CHD5: variants seen among roughly 807,000 people sequenced by gnomAD.
The protein encoded by CHD5 is chromodomain helicase DNA binding protein 5.
In CHD5, 69 loss-of-function variants were observed where a neutral mutation model predicts 230.3. The ratio of observed to expected loss-of-function variants is 0.30; its 90% CI spans 0.25 to 0.37. The LOEUF is 0.37. CHD5 is among the 10% of genes least tolerant of loss of function. CHD5 has a pLI of 1.00. For synonymous variants in CHD5, 1,064 were observed against 1,065.9 expected, an observed-to-expected ratio of 1.00 and a Z score of 0.03; for missense variants, 1,827 against 2,622.8, an observed-to-expected ratio of 0.70 and a Z score of 6.63.
At chr1:6,156,665 A>G (rs1055921901) in intron 3 of CHD5, among the ~76,000 whole-genome samples, 1 of 152,190 alleles carries the variant, frequency 6.6e-6, no homozygotes, top group African/African-American at 2.4e-5. Flanking sequence ...GGGCAGGGGC[A>G]TGGGACAATG....
chr1:6,173,619 G>A (rs932141343), intron 1 of CHD5, among the ~76,000 whole-genome samples: 3 of 152,170 alleles, frequency 2.0e-5, no homozygotes, highest in African/African-American at 7.2e-5. Context: ...GGGCTATGGG[G>A]AGAAGTAAAA....
intron 38 of CHD5, among the ~76,000 whole-genome samples, chr1:6,109,278 C>CT (rs1278758642): frequency 6.6e-6 from 1 of 152,132 alleles, no homozygotes; most frequent in Non-Finnish European, 1.5e-5. Flanking sequence ...AGGGGTCCAG[C>CT]AACTCTCACC....
At position 6,104,983 on chromosome 1, in the gene CHD5, G is replaced by T; in HGVS notation, c.*491C>A. 5.0e-6 allele frequency: 1 copy of T among 200,842 alleles called. No homozygotes were observed. Among genetic ancestry groups the T allele is most frequent in the South Asian group, 7.7e-5 (1 of 13,044 alleles). The allele number at this position is 200,842 out of a possible 1,614,324, so 12.4% of individuals were successfully genotyped here. On this transcript the variant is annotated 3_prime_UTR_variant, in exon 42 of 42. Transcript: ENST00000262450. Reference sequence around the variant, plus strand: ...GGACACTGAGGGCTCCTAGGGCACCGGGCGCCATGTCCTCCCCAGCTGGGC... The same window carrying T: ...GGACACTGAGGGCTCCTAGGGCACCTGGCGCCATGTCCTCCCCAGCTGGGC...
At position 6,126,496 on chromosome 1, in the gene CHD5, G is replaced by A; in HGVS notation, c.4078+76C>T. 12 of 1,091,450 alleles carry A rather than the reference G, an allele frequency of 1.1e-5. No homozygotes were observed. In the South Asian group the frequency reaches 1.5e-4, roughly 14 times the overall value. The allele number at this position is 1,091,450 out of a possible 1,614,324, so 67.6% of individuals were successfully genotyped here. On this transcript the variant is annotated intron_variant, in intron 26 of 41. Coordinates refer to ENST00000262450, the MANE Select transcript of CHD5 (RefSeq NM_015557.3). The surrounding 1 kb of genome is among the most constrained non-coding windows in gnomAD (Gnocchi z 5.7). ...CCGCACCTCCCGGGGGTTCTGCACAGGGATGCCCTGACAGAATCCTGCCCC... is the reference window on the plus strand; with the variant it reads ...CCGCACCTCCCGGGGGTTCTGCACAAGGATGCCCTGACAGAATCCTGCCCC...
chr1:6,122,997 GC>G (rs1666495230), intron 31 of CHD5, among the ~76,000 whole-genome samples: 1 of 151,920 alleles, frequency 6.6e-6, no homozygotes, highest in South Asian at 2.1e-4. Context: ...AACCTGGGAG[GC>G]GGAGGTTGCA....
chr1:6,151,232 G>A, intron 6 of CHD5, 77 bp from the exon 7 acceptor site: 1 of 1,476,432 alleles, frequency 6.8e-7, no homozygotes, highest in Non-Finnish European at 9.1e-7. Flanking sequence ...TGTGGGGTGG[G>A]ACAAAGCACG....
At position 6,142,635 on chromosome 1, in the gene CHD5, CCCA is replaced by C. The variant is rs1239283027; in HGVS notation, c.2044-33_2044-31del. 2 of 1,585,806 alleles carry C rather than the reference CCCA, an allele frequency of 1.3e-6. No homozygotes were observed. Among genetic ancestry groups the C allele is most frequent in the South Asian group, 2.3e-5 (2 of 87,164 alleles). On this transcript the variant is annotated intron_variant, in intron 13 of 41. Transcript: ENST00000262450. This position sits in a 1 kb window ranked among gnomAD's most constrained non-coding sequence, Gnocchi z 5.2. Reference sequence around the variant, plus strand: ...AGGGGAGGCAGCGGTTCAGACACGCCCCAGATCCTGGGCCACCAGAGTCCACAC... The same window carrying C: ...AGGGGAGGCAGCGGTTCAGACACGCCGATCCTGGGCCACCAGAGTCCACAC...
At position 6,155,588 on chromosome 1, in the gene CHD5, G is replaced by T; in HGVS notation, c.506+11C>A. 1 of 1,605,460 alleles carries T rather than the reference G, an allele frequency of 6.2e-7. No homozygotes were observed. The highest frequency in any genetic ancestry group is 8.5e-7 in the Non-Finnish European group (1 of 1,172,244). On this transcript the variant is annotated intron_variant, in intron 4 of 41. Transcript: ENST00000262450. The surrounding 1 kb of genome is among the most constrained non-coding windows in gnomAD (Gnocchi z 4.0). ...TGCGGGCCTGGAGAACAGCCCTAGT[G>T]CCCCGCCCACCTGAGGAACTGGCTG... is the stretch of plus-strand genomic sequence containing the variant.
Position 6,180,069 on chromosome 1 carries a change from G to C in CHD5, c.-46C>G. The C allele has an allele frequency of 8.9e-7, 1 of 1,120,424 alleles. No individual in the cohort carries two copies. The highest frequency in any genetic ancestry group is 2.5e-4 in the Middle Eastern group (1 of 4,064). The allele number at this position is 1,120,424 out of a possible 1,614,324, so 69.4% of individuals were successfully genotyped here. A position where few individuals can be genotyped will look rare whatever the true frequency, so the allele number is the denominator to read the frequency against. Reference sequence around the variant, plus strand: ...GAGGTGGGCGCCCCCCCTCCCGCCGGGCGCGGTGCCAGCCTTAACCCGTGC... The same window carrying C: ...GAGGTGGGCGCCCCCCCTCCCGCCGCGCGCGGTGCCAGCCTTAACCCGTGC... On this transcript the variant is annotated 5_prime_UTR_variant, in exon 1 of 42. Transcript: ENST00000262450.
In CHD5 at chr1:6,142,085, C is replaced by T. The variant is rs562621980; in HGVS notation, c.2436+43G>A. Reference sequence around the variant, plus strand: ...GGCACCCGTGGTCCCTGAACTAGACCGGGGGCCTTCCTACCGTCCTTCCAA... The same window carrying T: ...GGCACCCGTGGTCCCTGAACTAGACTGGGGGCCTTCCTACCGTCCTTCCAA... On this transcript the variant is annotated intron_variant, in intron 15 of 41. Transcript: ENST00000262450. The surrounding 1 kb of genome is among the most constrained non-coding windows in gnomAD (Gnocchi z 5.2). 12 of 1,566,190 alleles carry T rather than the reference C, an allele frequency of 7.7e-6. No individual in the cohort carries two copies. The highest frequency in any genetic ancestry group is 3.3e-5 in the Admixed American group (2 of 59,766).
Position 6,180,017 on chromosome 1 carries a change from C to T in CHD5, c.7G>A (p.Gly3Ser). Residue 3 changes from glycine to serine, a missense_variant, in exon 1 of 42, where the codon GGC (glycine) becomes AGC (serine). Coordinates refer to ENST00000262450, the MANE Select transcript of CHD5 (RefSeq NM_015557.3). MR[G>S]PVGTEEELPR... ...AGCTCCTCCTCGGTGCCCACTGGGC[C>T]CCGCATGCCCGGCGCGGGGAGGAGG... is the stretch of plus-strand genomic sequence containing the variant. 7.4e-7 allele frequency: 1 copy of T among 1,352,594 alleles called. No homozygotes were observed. Among genetic ancestry groups the T allele is most frequent in the Admixed American group, 2.6e-5 (1 of 37,794 alleles). 83.8% of individuals were successfully genotyped at this position (1,352,594 alleles called of 1,614,324 possible). A position where few individuals can be genotyped will look rare whatever the true frequency, so the allele number is the denominator to read the frequency against.
At chr1:6,107,949 G>A (rs1666220787) in intron 38 of CHD5, among the ~76,000 whole-genome samples, 2 of 137,520 alleles carry the variant, frequency 1.5e-5, no homozygotes, top group African/African-American at 2.7e-5. Flanking sequence ...GTGGAGGGAC[G>A]GGATGATGGA....
intron 1 of CHD5, among the ~76,000 whole-genome samples, chr1:6,171,016 G>A (rs1428711134): frequency 6.6e-6 from 1 of 152,246 alleles, no homozygotes; most frequent in East Asian, 1.9e-4. Context: ...ACGGGCTCTG[G>A]CTGATGCAAT....
In CHD5 at chr1:6,142,245, G is replaced by C. The variant is rs187443707; in HGVS notation, c.2319C>G (p.Pro773=). 2 of 1,614,104 alleles carry C rather than the reference G, an allele frequency of 1.2e-6. No homozygotes were observed. The highest frequency in any genetic ancestry group is 2.2e-5 in the South Asian group (2 of 91,084). ...NWEREFEMWA[P]DFYVVTYTGD... is the part of the protein sequence containing the mutation. The stretch of plus-strand genomic sequence containing the variant: ...CCGTGTAGGTGACCACGTAGAAGTC[G>C]GGCGCCCACATCTCAAACTCGCGTT... Residue 773 remains proline, a synonymous_variant, in exon 15 of 42, where the codon CCC becomes CCG. Transcript: ENST00000262450. This position sits in a 1 kb window ranked among gnomAD's most constrained non-coding sequence, Gnocchi z 5.2.
chr1:6,155,873 T>C lies in CHD5; in HGVS notation c.388-156A>G, dbSNP rs1014011082. On this transcript the variant is annotated intron_variant, in intron 3 of 41. Transcript: ENST00000262450. The surrounding 1 kb of genome is among the most constrained non-coding windows in gnomAD (Gnocchi z 4.0). Reference sequence around the variant, plus strand: ...CCATTCTCACCCACCCTAGGAAACATTCAAGCCCTGCAGCCCCGCAGCCCC... The same window carrying C: ...CCATTCTCACCCACCCTAGGAAACACTCAAGCCCTGCAGCCCCGCAGCCCC... Among the ~76,000 whole-genome samples, 1 of 152,160 alleles carries C rather than the reference T, an allele frequency of 6.6e-6. No homozygotes were observed. Among genetic ancestry groups the C allele is most frequent in the African/African-American group, 2.4e-5 (1 of 41,436 alleles).
chr1:6,125,607 G>A lies in CHD5; in HGVS notation c.4177C>T (p.Arg1393Ter). 1 of 1,610,290 alleles carries A rather than the reference G, an allele frequency of 6.2e-7. No individual in the cohort carries two copies. The highest frequency in any genetic ancestry group is 8.5e-7 in the Non-Finnish European group (1 of 1,178,142). Reference protein sequence around the residue: ...FEERPEGQSGRRQSRRQLKSD... With the variant: ...FEERPEGQSG ...TTCAGCTGCCTCCGGGATTGTCGTCGTCCACCTGGGGAGCAGCCCGCCACA... is the reference window on the plus strand; with the variant it reads ...TTCAGCTGCCTCCGGGATTGTCGTCATCCACCTGGGGAGCAGCCCGCCACA... The change falls in exon 28 of 42, where the codon CGA (arginine) becomes TGA (stop). Residue 1393 changes from arginine to a stop codon, truncating the protein, a stop_gained. Coordinates refer to ENST00000262450, the MANE Select transcript of CHD5 (RefSeq NM_015557.3). LOFTEE classifies it high-confidence loss of function. The surrounding 1 kb of genome is among the most constrained non-coding windows in gnomAD (Gnocchi z 6.7).
intron 15 of CHD5, among the ~76,000 whole-genome samples, chr1:6,141,819 A>G (rs1292065596): frequency 6.6e-6 from 1 of 152,154 alleles, no homozygotes; most frequent in Non-Finnish European, 1.5e-5. Context: ...AGGAGGAAGG[A>G]AGGGTTCTCC....
rs1249000852 is a variant in CHD5 at position 6,180,051 on chromosome 1, G to A, written c.-28C>T. On this transcript the variant is annotated 5_prime_UTR_variant, in exon 1 of 42. Transcript: ENST00000262450. Reference sequence around the variant, plus strand: ...CCGGCGCGGGGAGGAGGGGAGGTGGGCGCCCCCCCTCCCGCCGGGCGCGGT... The same window carrying A: ...CCGGCGCGGGGAGGAGGGGAGGTGGACGCCCCCCCTCCCGCCGGGCGCGGT... The A allele has an allele frequency of 2.4e-6, 3 of 1,231,588 alleles. No individual in the cohort carries two copies. The highest frequency in any genetic ancestry group is 3.2e-5 in the African/African-American group (2 of 61,892). The allele number at this position is 1,231,588 out of a possible 1,614,324, so 76.3% of individuals were successfully genotyped here.
intron 25 of CHD5, chr1:6,127,029 C>T: frequency 2.1e-6 from 1 of 467,788 alleles, no homozygotes; most frequent in Non-Finnish European, 3.9e-6. Flanking sequence ...ATAAGCTCCC[C>T]CTTGCCTGCC....
Sources: allele counts gnomAD v4.1 joint callset (sites outside exome capture counted in the v4.1 genomes callset), GRCh38; gene constraint gnomAD v4.1.1; non-coding constraint Gnocchi (gnomAD v3.1); transcripts MANE v1.5; gene names NCBI Gene and HGNC (gene_info 2026-07-23, HGNC 2026-07-21).